The following ALK variants were observed in gnomAD, a reference collection of about 807,000 sequenced individuals.
ALK encodes ALK tyrosine kinase receptor.
ALK carries 74 observed loss-of-function variants against 163.1 expected under a neutral mutation model. The ratio of observed to expected loss-of-function variants is 0.45; its 90% confidence interval spans 0.38 to 0.55. ALK has a LOEUF of 0.55. Among genes scored for constraint, ALK ranks in the 20% least tolerant of loss-of-function variants. The pLI is 0.00. For synonymous variants in ALK, 960 were observed against 843.2 expected, an observed-to-expected ratio of 1.14 and a Z score of -2.40; for missense variants, 2,063 against 2,105.3, an observed-to-expected ratio of 0.98 and a Z score of 0.39.
At chr2:29,344,970 GGTCA>G (rs1422509897) in intron 5 of ALK, among the ~76,000 whole-genome samples, 3 of 152,140 alleles carry the variant, frequency 2.0e-5, no homozygotes, top group Admixed American at 1.3e-4. Flanking sequence ...GTGAAGTGAT[GGTCA>G]GATTCAAACA....
intron 1 of ALK, among the ~76,000 whole-genome samples, chr2:29,878,469 T>C (rs1177749762): frequency 6.6e-6 from 1 of 152,220 alleles, no homozygotes; most frequent in African/African-American, 2.4e-5. Flanking sequence ...TAACAACTGG[T>C]AAATTGTAAG....
intron 4 of ALK, among the ~76,000 whole-genome samples, chr2:29,471,802 C>T (rs1671353199): frequency 6.6e-6 from 1 of 151,422 alleles, no homozygotes; most frequent in Admixed American, 6.6e-5. Context: ...AGTGGAATGG[C>T]ACAATCTTGG....
chr2:29,402,114 G>C (rs943430023), intron 4 of ALK, among the ~76,000 whole-genome samples: 1 of 152,222 alleles, frequency 6.6e-6, no homozygotes, highest in Non-Finnish European at 1.5e-5. Context: ...AGCGGGTGTT[G>C]AGTGAAAGCC....
At chr2:29,514,249 C>T (rs1672599124) in intron 4 of ALK, among the ~76,000 whole-genome samples, 1 of 146,878 alleles carries the variant, frequency 6.8e-6, no homozygotes, top group Non-Finnish European at 1.5e-5. Context: ...TGGAACCAAC[C>T]CAAATGTCCA....
At chr2:29,624,514 C>T (rs1212967345) in intron 3 of ALK, among the ~76,000 whole-genome samples, 1 of 152,014 alleles carries the variant, frequency 6.6e-6, no homozygotes, top group Non-Finnish European at 1.5e-5. Flanking sequence ...GGAGCTGTTC[C>T]AATGGAGCAA....
chr2:29,744,233 G>A (rs1043500902), intron 1 of ALK, among the ~76,000 whole-genome samples: 3 of 152,120 alleles, frequency 2.0e-5, no homozygotes, highest in African/African-American at 7.2e-5. Flanking sequence ...GTTAGTGGAA[G>A]AAATAAGATC....
chr2:29,801,047 A>G (rs928257108), intron 1 of ALK, among the ~76,000 whole-genome samples: 1 of 152,146 alleles, frequency 6.6e-6, no homozygotes, highest in Non-Finnish European at 1.5e-5. Flanking sequence ...GTCCTGAAGC[A>G]GCTCCCCCAA....
At chr2:29,270,817 T>C (rs1471280309) in intron 11 of ALK, among the ~76,000 whole-genome samples, 1 of 151,834 alleles carries the variant, frequency 6.6e-6, no homozygotes, top group Non-Finnish European at 1.5e-5. Flanking sequence ...TCTATCTGAG[T>C]TCCCTCCAGA....
intron 4 of ALK, among the ~76,000 whole-genome samples, chr2:29,459,761 T>C (rs1431632623): frequency 5.3e-5 from 8 of 152,130 alleles, no homozygotes; most frequent in African/African-American, 1.9e-4. Context: ...TAAAAACAGC[T>C]GAGGTCCCCA....
At chr2:29,865,896 G>A (rs1430563551) in intron 1 of ALK, among the ~76,000 whole-genome samples, 1 of 152,158 alleles carries the variant, frequency 6.6e-6, no homozygotes, top group Non-Finnish European at 1.5e-5. Flanking sequence ...TTGAAACCAG[G>A]TCTCCAGATG....
At chr2:29,617,784 C>T (rs1206335494) in intron 3 of ALK, among the ~76,000 whole-genome samples, 1 of 152,178 alleles carries the variant, frequency 6.6e-6, no homozygotes, top group Non-Finnish European at 1.5e-5. Context: ...ATGAAGTCTT[C>T]CTCGCCATTC....
chr2:29,515,053 A>G (rs1672625045), intron 4 of ALK, among the ~76,000 whole-genome samples: 1 of 151,906 alleles, frequency 6.6e-6, no homozygotes, highest in African/African-American at 2.4e-5. Flanking sequence ...TTTCTTTCAG[A>G]CTCAGATGCA....
intron 3 of ALK, among the ~76,000 whole-genome samples, chr2:29,562,601 C>T (rs1674055411): frequency 6.6e-6 from 1 of 151,994 alleles, no homozygotes; most frequent in South Asian, 2.1e-4. Flanking sequence ...GGCTCAATAG[C>T]AGAACAATTG....
At chr2:29,772,708 T>C (rs1302781559) in intron 1 of ALK, among the ~76,000 whole-genome samples, 1 of 152,216 alleles carries the variant, frequency 6.6e-6, no homozygotes, top group Non-Finnish European at 1.5e-5. Context: ...GGTAGAGGAC[T>C]ACTGTTTTTC....
intron 4 of ALK, among the ~76,000 whole-genome samples, chr2:29,432,467 C>G (rs1670295043): frequency 6.6e-6 from 1 of 152,120 alleles, no homozygotes; most frequent in Admixed American, 6.6e-5. Context: ...GCCTGCAGAC[C>G]CTTGAGCCAA....
chr2:29,644,966 C>A (rs952973358), intron 3 of ALK, among the ~76,000 whole-genome samples: 6 of 152,136 alleles, frequency 3.9e-5, no homozygotes, highest in Non-Finnish European at 5.9e-5. Flanking sequence ...CCAGGCCAAG[C>A]ACCCAATGTC....
intron 1 of ALK, among the ~76,000 whole-genome samples, chr2:29,905,078 T>A (rs1667504899): frequency 6.6e-6 from 1 of 152,246 alleles, no homozygotes; most frequent in African/African-American, 2.4e-5. Flanking sequence ...TGGGTCCTTC[T>A]CCAGATGCCA....
At chr2:29,630,401 A>G (rs979899916) in intron 3 of ALK, among the ~76,000 whole-genome samples, 19 of 152,144 alleles carry the variant, frequency 1.2e-4, no homozygotes, top group African/African-American at 4.3e-4. Flanking sequence ...AGGTGATATT[A>G]AGCCTAATTA....
chr2:29,514,084 C>T, intron 4 of ALK, among the ~76,000 whole-genome samples: 3 of 110,464 alleles, frequency 2.7e-5, no homozygotes, highest in Non-Finnish European at 3.8e-5. Flanking sequence ...TTGTGGAAGT[C>T]AGTGTGGCGA....
Sources: allele counts gnomAD v4.1 joint callset (sites outside exome capture counted in the v4.1 genomes callset), GRCh38; gene constraint gnomAD v4.1.1; transcripts MANE v1.5; gene names NCBI Gene and HGNC (gene_info 2026-07-23, HGNC 2026-07-21).